HEMK2: variants seen among roughly 807,000 people sequenced by gnomAD.
HEMK2 encodes HemK methyltransferase 2, ETF1 glutamine and histone H4 lysine.
the HEMK2 span, among the ~76,000 whole-genome samples, chr21:28,623,088 G>C: frequency 1.3e-5 from 2 of 152,154 alleles, no homozygotes; most frequent in Admixed American, 6.5e-5. Context: ...CTATCCATCT[G>C]ACAAAAGGCC....
At chr21:28,808,056 T>C in the HEMK2 span, among the ~76,000 whole-genome samples, 1 of 151,822 alleles carries the variant, frequency 6.6e-6, no homozygotes, top group Non-Finnish European at 1.5e-5. Flanking sequence ...CCCAAAACCT[T>C]GAAACAAGAT....
chr21:28,723,857 T>C, the HEMK2 span, among the ~76,000 whole-genome samples: 1 of 152,246 alleles, frequency 6.6e-6, no homozygotes, highest in East Asian at 1.9e-4. Context: ...CAGCCAGCAC[T>C]GCCTTGCCAT....
chr21:28,666,843 T>C, the HEMK2 span, among the ~76,000 whole-genome samples: 2 of 152,144 alleles, frequency 1.3e-5, no homozygotes, highest in South Asian at 2.1e-4. Context: ...GGACTTACTA[T>C]ACAAAAGACA....
the HEMK2 span, among the ~76,000 whole-genome samples, chr21:28,669,627 A>G: frequency 6.6e-6 from 1 of 152,190 alleles, no homozygotes; most frequent in South Asian, 2.1e-4. Flanking sequence ...CAGTCCAGAC[A>G]GGACCCCAGA....
chr21:28,579,662 G>A, the HEMK2 span, among the ~76,000 whole-genome samples: 2 of 152,144 alleles, frequency 1.3e-5, no homozygotes, highest in African/African-American at 4.8e-5. Flanking sequence ...AATGGAATAA[G>A]AATGACCCAT....
the HEMK2 span, among the ~76,000 whole-genome samples, chr21:28,672,963 A>G: frequency 1.3e-5 from 2 of 151,152 alleles, no homozygotes; most frequent in African/African-American, 2.4e-5. Flanking sequence ...GAGAGAGAGA[A>G]AGAAAAAAAA....
the HEMK2 span, among the ~76,000 whole-genome samples, chr21:28,759,825 T>G: frequency 2.0e-5 from 3 of 152,170 alleles, no homozygotes; most frequent in Admixed American, 6.6e-5. Flanking sequence ...ACCATGATTG[T>G]GAGGCCTCCC....
the HEMK2 span, among the ~76,000 whole-genome samples, chr21:28,666,940 C>T: frequency 6.6e-6 from 1 of 151,966 alleles, no homozygotes; most frequent in African/African-American, 2.4e-5. Context: ...ATTTTTTCTT[C>T]AAAGAAACAG....
the HEMK2 span, among the ~76,000 whole-genome samples, chr21:28,635,894 T>C: frequency 1.3e-5 from 2 of 152,202 alleles, no homozygotes; most frequent in South Asian, 2.1e-4. Flanking sequence ...GTAAATATGC[T>C]TGAGGAATAG....
At chr21:28,846,517 G>A in the HEMK2 span, among the ~76,000 whole-genome samples, 1 of 152,088 alleles carries the variant, frequency 6.6e-6, no homozygotes, top group African/African-American at 2.4e-5. Flanking sequence ...ATGGTATCTT[G>A]TTGGGGTTTC....
chr21:28,882,294 G>A, the HEMK2 span: 2 of 1,450,308 alleles, frequency 1.4e-6, no homozygotes, highest in Non-Finnish European at 9.6e-7. Flanking sequence ...TGTCCATAAG[G>A]CAAATCTGTT....
chr21:28,770,671 GCTCT>G, the HEMK2 span, among the ~76,000 whole-genome samples: 2,137 of 149,524 alleles, frequency 0.014, 43 homozygotes, highest in African/African-American at 0.049. Context: ...AGCAAGTTCA[GCTCT>G]CTCTCTCTCT....
the HEMK2 span, among the ~76,000 whole-genome samples, chr21:28,699,084 A>AAATT: frequency 6.6e-6 from 1 of 152,142 alleles, no homozygotes; most frequent in Non-Finnish European, 1.5e-5. Flanking sequence ...ACCATTGCTC[A>AAATT]AATTATTGTT....
At chr21:28,741,986 G>C in the HEMK2 span, among the ~76,000 whole-genome samples, 1,354 of 152,254 alleles carry the variant, frequency 8.9e-3, 25 homozygotes, top group African/African-American at 0.031. Context: ...CACCACAAGA[G>C]AGAGCCTTCT....
the HEMK2 span, among the ~76,000 whole-genome samples, chr21:28,637,665 C>T: frequency 5.3e-5 from 8 of 152,152 alleles, no homozygotes; most frequent in East Asian, 1.9e-4. Context: ...GGTTTCTATG[C>T]GGGGGTAGGA....
chr21:28,704,138 T>G, the HEMK2 span, among the ~76,000 whole-genome samples: 1 of 152,206 alleles, frequency 6.6e-6, no homozygotes, highest in Non-Finnish European at 1.5e-5. Context: ...CACCTTCTCG[T>G]GCCTTGAAAA....
chr21:28,713,933 A>G, the HEMK2 span, among the ~76,000 whole-genome samples: 902 of 152,356 alleles, frequency 5.9e-3, 10 homozygotes, highest in African/African-American at 0.021. Context: ...ATAGCTAAGA[A>G]AACTCAGGCT....
the HEMK2 span, among the ~76,000 whole-genome samples, chr21:28,659,312 C>T: frequency 2.0e-5 from 3 of 152,060 alleles, no homozygotes; most frequent in African/African-American, 2.4e-5. Context: ...CAAAAGATAC[C>T]TTCTAATTAA....
At chr21:28,740,397 A>G in the HEMK2 span, among the ~76,000 whole-genome samples, 1 of 152,256 alleles carries the variant, frequency 6.6e-6, no homozygotes. Flanking sequence ...ATAAAGCAGG[A>G]ATTCAAATGA....
Sources: allele counts gnomAD v4.1 joint callset (sites outside exome capture counted in the v4.1 genomes callset), GRCh38; gene constraint gnomAD v4.1.1; transcripts MANE v1.5; gene names NCBI Gene and HGNC (gene_info 2026-07-23, HGNC 2026-07-21).